NCSTN: variants seen among roughly 807,000 people sequenced by gnomAD.
The protein encoded by NCSTN is anterior pharynx-defective 2.
In NCSTN, 22 loss-of-function variants were observed where a neutral mutation model predicts 87.0. The observed-to-expected ratio is 0.25, with a 90% CI of 0.18 to 0.36. The LOEUF (loss-of-function observed/expected upper bound fraction) is 0.36. Among genes scored for constraint, NCSTN ranks in the 10% least tolerant of loss-of-function variants. The probability of loss-of-function intolerance (pLI) is 1.00; values close to 1 mark genes in which losing one functional copy is unlikely to be tolerated. For synonymous variants in NCSTN, 306 were observed against 327.1 expected, an observed-to-expected ratio of 0.94 and a Z score of 0.69; for missense variants, 693 against 883.3, an observed-to-expected ratio of 0.78 and a Z score of 2.73.
Position 160,349,640 on chromosome 1 carries a change from C to T in NCSTN, c.406C>T (p.Pro136Ser), listed in dbSNP as rs1342342997. ...GCCCAGTCCTGCCTCAGGCTTCTCT[C>T]CTAGTGTACAGTGCCCAAATGATGG... ...TKPSPASGFS[P>S]SVQCPNDGFG... is the part of the protein sequence containing the mutation. Residue 136 changes from proline to serine, a missense_variant, in exon 4 of 17, where the codon CCT (proline) becomes TCT (serine). By Grantham distance (74) the Pro-to-Ser change is moderately conservative (BLOSUM62 -1). Coordinates refer to ENST00000294785, the MANE Select transcript of NCSTN (RefSeq NM_015331.3). 1 of 1,614,002 alleles carries T rather than the reference C, an allele frequency of 6.2e-7. No individual in the cohort carries two copies. Among genetic ancestry groups the T allele is most frequent in the African/African-American group, 1.3e-5 (1 of 74,904 alleles).
chr1:160,349,638 C>G lies in NCSTN; in HGVS notation c.404C>G (p.Ser135Cys). ...AAGCCCAGTCCTGCCTCAGGCTTCT[C>G]TCCTAGTGTACAGTGCCCAAATGAT... ...LTKPSPASGF[S>C]PSVQCPNDGF... The change falls in exon 4 of 17, where the codon TCT becomes TGT. Residue 135 changes from serine (S) to cysteine (C), a missense_variant. Physicochemically the swap from Ser to Cys is moderately radical, Grantham distance 112 (BLOSUM62 -1). Coordinates refer to ENST00000294785, the MANE Select transcript of NCSTN (RefSeq NM_015331.3). 6.2e-7 allele frequency: 1 copy of G among 1,614,182 alleles called. No homozygotes were observed. The highest frequency in any genetic ancestry group is 8.5e-7 in the Non-Finnish European group (1 of 1,180,034).
chr1:160,343,976 T>C (rs77005363), intron 1 of NCSTN: 1 of 250,656 alleles, frequency 4.0e-6, no homozygotes, highest in African/African-American at 2.8e-5. Flanking sequence ...TTTTTTTTTT[T>C]AATCAGTAAA....
rs757111091 is a variant in NCSTN, at chr1:160,356,671, T to C, written c.1711T>C (p.Leu571=). 6.2e-7 allele frequency: 1 copy of C among 1,614,212 alleles called. No individual in the cohort carries two copies. Among genetic ancestry groups the C allele is most frequent in the Non-Finnish European group, 8.5e-7 (1 of 1,180,040 alleles). Residue 571 remains leucine, a synonymous_variant, in exon 15 of 17, where the codon TTG becomes CTG. Transcript: ENST00000294785. ...CACCACTTATGTTGTACAGTATGCC[T>C]TGGCAAATTTGACTGGCACAGTGGT... ...TNTTYVVQYA[L]ANLTGTVVNL...
chr1:160,353,158 A>G lies in NCSTN; in HGVS notation c.1102-2A>G. 6.2e-7 allele frequency: 1 copy of G among 1,614,048 alleles called. No individual in the cohort carries two copies. The highest frequency in any genetic ancestry group is 8.5e-7 in the Non-Finnish European group (1 of 1,179,900). On this transcript the variant is annotated splice_acceptor_variant, in intron 9 of 16. Transcript: ENST00000294785. LOFTEE classifies it high-confidence loss of function. ...AGTGTTGTTTCTTCATCCTCCCCCCAGGTGGCCTTAAGAACTTCATTAGAG... is the reference window on the plus strand; with the variant it reads ...AGTGTTGTTTCTTCATCCTCCCCCCGGGTGGCCTTAAGAACTTCATTAGAG...
At chr1:160,356,461 C>T in intron 14 of NCSTN, 114 bp downstream of exon 14, 1 of 1,424,862 alleles carries the variant, frequency 7.0e-7, no homozygotes, top group Non-Finnish European at 9.8e-7. Flanking sequence ...TTCTTACCCC[C>T]TGTTTTCCTT....
chr1:160,343,564 T>C (rs1326836496), intron 1 of NCSTN, 83 bp downstream of exon 1: 1 of 1,260,790 alleles, frequency 7.9e-7, no homozygotes, highest in African/African-American at 1.5e-5. Flanking sequence ...GTCTCCCTTC[T>C]GGTTCCTGCT....
rs752677502 is a variant in NCSTN at position 160,344,709 on chromosome 1, A to G, written c.86-13A>G. ...CTCTCAAATTTTTCTAACACTTTTTATCTTCCGATCAGGTTTGTGCAGGGG... is the reference window on the plus strand; with the variant it reads ...CTCTCAAATTTTTCTAACACTTTTTGTCTTCCGATCAGGTTTGTGCAGGGG... On this transcript the variant is annotated splice_polypyrimidine_tract_variant and intron_variant, in intron 1 of 16. Transcript: ENST00000294785. 24 of 1,612,920 alleles carry G rather than the reference A, an allele frequency of 1.5e-5. No individual in the cohort carries two copies. The highest frequency in any genetic ancestry group is 2.0e-5 in the Non-Finnish European group (24 of 1,179,050).
At chr1:160,357,465 C>G (rs1649185670) in intron 16 of NCSTN, among the ~76,000 whole-genome samples, 1 of 152,186 alleles carries the variant, frequency 6.6e-6, no homozygotes, top group South Asian at 2.1e-4. Flanking sequence ...AGTGCAATGG[C>G]ACAATCTCAG....
In NCSTN at chr1:160,351,774, C is replaced by T; in HGVS notation, c.812C>T (p.Pro271Leu). 6.2e-7 allele frequency: 1 copy of T among 1,613,096 alleles called. No homozygotes were observed. ...ATAAATACAACTGGGACATTAAAGCCTGACGACAGGGTTGTGGTTGCTGCC... is the reference window on the plus strand; with the variant it reads ...ATAAATACAACTGGGACATTAAAGCTTGACGACAGGGTTGTGGTTGCTGCC... ...KPINTTGTLKPDDRVVVAATR... is the reference protein window; with the variant it reads ...KPINTTGTLKLDDRVVVAATR... The change falls in exon 7 of 17, where the codon CCT becomes CTT. Residue 271 changes from proline (P) to leucine (L), a missense_variant. By Grantham distance (98) the Pro-to-Leu change is moderately conservative (BLOSUM62 -3). This residue lies in a region of NCSTN where 134 missense variants were observed against 226.0 expected (regional missense o/e 0.59). Coordinates refer to ENST00000294785, the MANE Select transcript of NCSTN (RefSeq NM_015331.3).
At chr1:160,354,352 G>C in intron 11 of NCSTN, 62 bp downstream of exon 11, 1 of 1,574,856 alleles carries the variant, frequency 6.3e-7, no homozygotes. Flanking sequence ...TGCAGTCTGG[G>C]AGGAAGGTCA....
At position 160,354,282 on chromosome 1, in the gene NCSTN, C is replaced by T; in HGVS notation, c.1344C>T (p.Phe448=). 1 of 1,614,130 alleles carries T rather than the reference C, an allele frequency of 6.2e-7. No homozygotes were observed. Among genetic ancestry groups the T allele is most frequent in the South Asian group, 1.1e-5 (1 of 91,082 alleles). Residue 448 remains phenylalanine, a synonymous_variant, in exon 11 of 17, where the codon TTC becomes TTT. Transcript: ENST00000294785. ...GVVLADHSGA[F]HNKYYQSIYD... is the part of the protein sequence containing the mutation. The stretch of plus-strand genomic sequence containing the variant: ...TTCTGGCTGACCACTCTGGTGCCTT[C>T]CATAACAAGTAAGAATCACTTGGCC...
rs1199566728 is a variant in NCSTN, at chr1:160,358,474, C to T, written c.*203C>T. 1 of 669,832 alleles carries T rather than the reference C, an allele frequency of 1.5e-6. No homozygotes were observed. The highest frequency in any genetic ancestry group is 2.4e-5 in the Admixed American group (1 of 42,324). The allele number at this position is 669,832 out of a possible 1,614,324, so 41.5% of individuals were successfully genotyped here. A position where few individuals can be genotyped will look rare whatever the true frequency, so the allele number is the denominator to read the frequency against. ...TCCTCCGCTCCCCTTTCCCATCACC[C>T]CTTCCCCATTTCCTCTTCCTTCTCT... On this transcript the variant is annotated 3_prime_UTR_variant, in exon 17 of 17. Transcript: ENST00000294785.
At chr1:160,354,089 C>T (rs1193623382) in intron 10 of NCSTN, 29 bp from the exon 11 acceptor site, 1 of 1,609,240 alleles carries the variant, frequency 6.2e-7, no homozygotes, top group African/African-American at 1.3e-5. Context: ...CCCAGCCTCC[C>T]ATCAGTTAAT....
At chr1:160,349,474 T>C (rs1330751518) in intron 3 of NCSTN, 75 bp from the exon 4 acceptor site, 1 of 1,587,206 alleles carries the variant, frequency 6.3e-7, no homozygotes, top group South Asian at 1.1e-5. Flanking sequence ...CCCATTTGTT[T>C]CCATCCTGCA....
chr1:160,351,364 T>G lies in NCSTN; in HGVS notation c.725T>G (p.Ile242Ser). ...RRSSIQSTFS[I>S]NPEIVCDPLS... Reference sequence around the variant, plus strand: ...AGCTCCATCCAAAGCACCTTCAGCATCAACCCAGGTAGGGCAGATCCGAAC... The same window carrying G: ...AGCTCCATCCAAAGCACCTTCAGCAGCAACCCAGGTAGGGCAGATCCGAAC... The change falls in exon 6 of 17, where the codon ATC becomes AGC. Residue 242 changes from isoleucine (I) to serine (S), a missense_variant. Physicochemically the swap from Ile to Ser is moderately radical, Grantham distance 142 (BLOSUM62 -2). This residue lies in a region of NCSTN where 134 missense variants were observed against 226.0 expected (regional missense o/e 0.59). Transcript: ENST00000294785. The G allele has an allele frequency of 6.2e-7, 1 of 1,614,148 alleles. No homozygotes were observed. The highest frequency in any genetic ancestry group is 8.5e-7 in the Non-Finnish European group (1 of 1,180,020).
chr1:160,349,265 T>G, intron 3 of NCSTN, 143 bp downstream of exon 3: 4 of 1,204,504 alleles, frequency 3.3e-6, no homozygotes, highest in Non-Finnish European at 4.8e-6. Context: ...GAAGGAAAGG[T>G]GTACCATCAA....
In NCSTN at chr1:160,355,967, A is replaced by G. The variant is rs993522822; in HGVS notation, c.1551+9A>G. 1.9e-6 allele frequency: 3 copies of G among 1,605,214 alleles called. No homozygotes were observed. The highest frequency in any genetic ancestry group is 2.2e-5 in the East Asian group (1 of 44,830). On this transcript the variant is annotated intron_variant, in intron 13 of 16. Coordinates refer to ENST00000294785, the MANE Select transcript of NCSTN (RefSeq NM_015331.3). ...AGGCTGATCCCCAAACGGTAAGCAGATGGGCCCTAGCTCCTTCTTTCTATT... is the reference window on the plus strand; with the variant it reads ...AGGCTGATCCCCAAACGGTAAGCAGGTGGGCCCTAGCTCCTTCTTTCTATT...
chr1:160,355,971 G>GC lies in NCSTN; in HGVS notation c.1551+16dup. 1 of 1,600,992 alleles carries GC rather than the reference G, an allele frequency of 6.2e-7. No homozygotes were observed. The highest frequency in any genetic ancestry group is 8.6e-7 in the Non-Finnish European group (1 of 1,168,522). On this transcript the variant is annotated intron_variant, in intron 13 of 16. Transcript: ENST00000294785. Reference sequence around the variant, plus strand: ...TGATCCCCAAACGGTAAGCAGATGGGCCCTAGCTCCTTCTTTCTATTTACA... The same window carrying GC: ...TGATCCCCAAACGGTAAGCAGATGGGCCCCTAGCTCCTTCTTTCTATTTACA...
chr1:160,348,894 A>G, intron 2 of NCSTN, 105 bp from the exon 3 acceptor site: 2 of 1,533,254 alleles, frequency 1.3e-6, no homozygotes, highest in South Asian at 2.3e-5. Flanking sequence ...ATTCACCCAA[A>G]TATGTTGTGA....
Sources: gnomAD v4.1 joint callset for allele counts (sites outside exome capture counted in the v4.1 genomes callset) on GRCh38, gnomAD v4.1.1 for gene constraint, gnomAD v4.1.1 regional missense constraint, MANE v1.5 for transcripts, NCBI Gene and HGNC (gene_info 2026-07-23, HGNC 2026-07-21) for gene names.